Variants in TENM3 observed in about 807,000 individuals in gnomAD.
TENM3 encodes the protein teneurin transmembrane protein 3.
In TENM3, 63 loss-of-function variants were observed where a neutral mutation model predicts 255.1. That is an observed-to-expected ratio of 0.25 (90% CI 0.20 to 0.30). TENM3 has a LOEUF of 0.30. Among genes scored for constraint, TENM3 ranks in the 10% least tolerant of loss-of-function variants. The pLI is 1.00. For missense variants in TENM3, 2,929 were observed against 3,461.1 expected, an observed-to-expected ratio of 0.85 and a Z score of 3.86; for synonymous variants, 1,306 against 1,322.3, an observed-to-expected ratio of 0.99 and a Z score of 0.27.
intron 1 of TENM3, among the ~76,000 whole-genome samples, chr4:182,245,898 A>G (rs1431394846): frequency 6.6e-6 from 1 of 152,208 alleles, no homozygotes; most frequent in South Asian, 2.1e-4. Context: ...AAATATAGGA[A>G]TTTAGGGAAA....
At chr4:182,108,522 C>T in the TENM3 span, among the ~76,000 whole-genome samples, 205 of 152,200 alleles carry the variant, frequency 1.3e-3, 1 homozygote, top group African/African-American at 4.6e-3. Flanking sequence ...TACAAAAATG[C>T]GTTAAGCATC....
the TENM3 span, among the ~76,000 whole-genome samples, chr4:181,450,991 G>T: frequency 6.6e-6 from 1 of 151,412 alleles, no homozygotes; most frequent in Admixed American, 6.6e-5. Flanking sequence ...CAGGTGTTGG[G>T]GGTCATGGAG....
rs35029837 is a variant in TENM3 at position 182,463,545 on chromosome 4, A to G, written c.511+116616A>G. On this transcript the variant is annotated intron_variant, in intron 3 of 27. Coordinates refer to ENST00000511685, the MANE Select transcript of TENM3 (RefSeq NM_001080477.4). The stretch of plus-strand genomic sequence containing the variant: ...GAGTGCAGTGGTGCGATCTCTGCTC[A>G]CTGCAAACTCCACCTCCCGAGTTCA... Among the ~76,000 whole-genome samples the G allele has an allele frequency of 2.6e-5, 4 of 151,366 alleles. No individual in the cohort carries two copies. The East Asian group carries it at 7.8e-4, about 30-fold the overall frequency.
the TENM3 span, among the ~76,000 whole-genome samples, chr4:181,746,539 G>C: frequency 6.6e-6 from 1 of 151,986 alleles, no homozygotes; most frequent in Admixed American, 6.6e-5. Flanking sequence ...GTAGTCTGTG[G>C]GTAGTAATAA....
intron 3 of TENM3, among the ~76,000 whole-genome samples, chr4:182,406,151 C>G (rs937905590): frequency 2.6e-5 from 4 of 151,840 alleles, no homozygotes; most frequent in African/African-American, 9.7e-5. Flanking sequence ...ACCAAAAATC[C>G]AAAACTAGCT....
At chr4:181,834,672 G>C in the TENM3 span, among the ~76,000 whole-genome samples, 1 of 152,180 alleles carries the variant, frequency 6.6e-6, no homozygotes, top group African/African-American at 2.4e-5. Flanking sequence ...TCATGCGTTC[G>C]TACACCAACC....
At chr4:181,488,326 G>A in the TENM3 span, among the ~76,000 whole-genome samples, 5 of 152,102 alleles carry the variant, frequency 3.3e-5, no homozygotes, top group East Asian at 5.8e-4. Flanking sequence ...GTGAGAAGTC[G>A]GGGTTTGGCA....
intron 4 of TENM3, among the ~76,000 whole-genome samples, chr4:182,603,784 T>TATATATACAC (rs58332965): frequency 5.2e-5 from 7 of 134,210 alleles, no homozygotes; most frequent in African/African-American, 1.9e-4. Context: ...TATATATATA[T>TATATATACAC]ACACACACAC....
the TENM3 span, among the ~76,000 whole-genome samples, chr4:181,855,409 C>A: frequency 6.6e-6 from 1 of 152,174 alleles, no homozygotes; most frequent in Admixed American, 6.5e-5. Flanking sequence ...AAAAGCCCAA[C>A]ATGAAATGAG....
chr4:182,669,945 TC>T (rs747020860), intron 6 of TENM3, among the ~76,000 whole-genome samples: 11 of 152,126 alleles, frequency 7.2e-5, no homozygotes, highest in Non-Finnish European at 2.9e-5. Flanking sequence ...GAAGATTAGT[TC>T]CATTTCTCTC....
the TENM3 span, among the ~76,000 whole-genome samples, chr4:181,985,849 A>T: frequency 1.3e-5 from 2 of 152,094 alleles, no homozygotes; most frequent in African/African-American, 4.8e-5. Context: ...ATAATTCAGT[A>T]CTTTTGTCAC....
At chr4:182,520,329 TC>T (rs1318895869) in intron 3 of TENM3, among the ~76,000 whole-genome samples, 6 of 152,164 alleles carry the variant, frequency 3.9e-5, no homozygotes, top group Non-Finnish European at 8.8e-5. Context: ...AAGTAGTCAA[TC>T]AATAGTAAAT....
At chr4:181,900,570 T>C in the TENM3 span, among the ~76,000 whole-genome samples, 10 of 152,212 alleles carry the variant, frequency 6.6e-5, no homozygotes, top group Admixed American at 6.5e-4. Context: ...ATTTCAGTCT[T>C]GACTTGAAAC....
At chr4:181,624,650 C>T in the TENM3 span, among the ~76,000 whole-genome samples, 1 of 152,204 alleles carries the variant, frequency 6.6e-6, no homozygotes, top group Admixed American at 6.5e-5. Flanking sequence ...CATTGGCTGG[C>T]ACTCAGATGT....
At chr4:182,347,948 A>G (rs530173225) in intron 3 of TENM3, among the ~76,000 whole-genome samples, 11 of 152,332 alleles carry the variant, frequency 7.2e-5, no homozygotes, top group African/African-American at 2.6e-4. Context: ...TTTATTATTT[A>G]TTGGGTGACT....
At chr4:182,176,821 A>ATTTTTTTTTTTTT (rs529637466) in intron 1 of TENM3, among the ~76,000 whole-genome samples, 1 of 113,358 alleles carries the variant, frequency 8.8e-6, no homozygotes, top group Non-Finnish European at 1.8e-5. Flanking sequence ...CATCCGGCTA[A>ATTTTTTTTTTTTT]TTTTTTTTTT....
intron 19 of TENM3, among the ~76,000 whole-genome samples, chr4:182,749,329 C>T (rs1230993777): frequency 6.6e-6 from 1 of 152,122 alleles, no homozygotes; most frequent in Non-Finnish European, 1.5e-5. Context: ...TTAAACCTAA[C>T]CAAGTTTAGG....
chr4:181,909,864 CTGAA>C, the TENM3 span, among the ~76,000 whole-genome samples: 1 of 152,146 alleles, frequency 6.6e-6, no homozygotes, highest in Non-Finnish European at 1.5e-5. Context: ...GAGTCTATGA[CTGAA>C]TGTTGATATT....
chr4:181,493,072 A>C, the TENM3 span, among the ~76,000 whole-genome samples: 57 of 152,204 alleles, frequency 3.7e-4, 1 homozygote, highest in South Asian at 0.012. Context: ...TTTTGGCACC[A>C]GGGAGATTTT....
Sources: gnomAD v4.1 joint callset for allele counts (sites outside exome capture counted in the v4.1 genomes callset) on GRCh38, gnomAD v4.1.1 for gene constraint, MANE v1.5 for transcripts, NCBI Gene and HGNC (gene_info 2026-07-23, HGNC 2026-07-21) for gene names.